The following SLC6A5 variants were observed in gnomAD, a reference collection of about 807,000 sequenced individuals.
The protein encoded by SLC6A5 is sodium- and chloride-dependent glycine transporter 2.
SLC6A5 carries 58 observed loss-of-function variants against 90.5 expected under a neutral mutation model. The ratio of observed to expected loss-of-function variants is 0.64; its 90% CI spans 0.52 to 0.80. The LOEUF (loss-of-function observed/expected upper bound fraction) is 0.80. Among genes scored for constraint, SLC6A5 ranks in the 30% least tolerant of loss-of-function variants. SLC6A5 has a pLI of 0.00. For synonymous variants in SLC6A5, 427 were observed against 401.4 expected (o/e 1.06, Z -0.76); for missense variants, 1,015 against 1,017.6 (o/e 1.00, Z 0.03).
rs146042684 is a variant in SLC6A5 at position 20,627,997 on chromosome 11, C to T, written c.1413C>T (p.Ala471=). Residue 471 remains alanine, a synonymous_variant, in exon 9 of 16, where the codon GCC becomes GCT. Coordinates refer to ENST00000525748, the MANE Select transcript of SLC6A5 (RefSeq NM_004211.5). ...LTDATVWKDA[A]TQIFFSLSAA... is the part of the protein sequence containing the mutation. ...CCTCTCAGGTGTGGAAAGATGCTGC[C>T]ACTCAGATTTTCTTCTCTTTATCTG... is the stretch of plus-strand genomic sequence containing the variant. 8.1e-4 allele frequency: 1,305 copies of T among 1,614,036 alleles called. 3 individuals carry two copies. Among genetic ancestry groups the T allele is most frequent in the Middle Eastern group, 6.6e-4 (4 of 6,062 alleles).
At chr11:20,645,294 G>A (rs1054228129) in intron 13 of SLC6A5, among the ~76,000 whole-genome samples, 10 of 152,142 alleles carry the variant, frequency 6.6e-5, no homozygotes, top group Admixed American at 1.3e-4. Flanking sequence ...AGTGGGGACT[G>A]AGGTGGGGGT....
At position 20,601,529 on chromosome 11, in the gene SLC6A5, G is replaced by C. The variant is rs540902395; in HGVS notation, c.404G>C (p.Ser135Thr). 1.9e-6 allele frequency: 3 copies of C among 1,614,172 alleles called. No individual in the cohort carries two copies. The highest frequency in any genetic ancestry group is 2.7e-5 in the African/African-American group (2 of 75,064). ...GGCCCGGAGGGGGATGCGAACGTGA[G>C]TGTGGGCAAGGGCACCCTGGAGCGG... ...LRGPEGDANV[S>T]VGKGTLERNN... Residue 135 changes from serine to threonine, a missense_variant, in exon 2 of 16, where the codon AGT becomes ACT. By Grantham distance (58) the Ser-to-Thr change is moderately conservative. Transcript: ENST00000525748.
chr11:20,642,862 A>G (rs1853340202), intron 13 of SLC6A5, among the ~76,000 whole-genome samples: 1 of 152,226 alleles, frequency 6.6e-6, no homozygotes, highest in Non-Finnish European at 1.5e-5. Context: ...GTTGCGTGAC[A>G]GGGGAAATGT....
chr11:20,625,889 C>G (rs1022604972), intron 7 of SLC6A5, among the ~76,000 whole-genome samples: 1 of 152,172 alleles, frequency 6.6e-6, no homozygotes, highest in East Asian at 1.9e-4. Context: ...CCATAGTGCC[C>G]TCTGTGTAAT....
chr11:20,629,519 C>G (rs961452156), intron 9 of SLC6A5, among the ~76,000 whole-genome samples: 1 of 152,070 alleles, frequency 6.6e-6, no homozygotes, highest in South Asian at 2.1e-4. Context: ...TTAAATGACA[C>G]ATAGTAATTA....
At position 20,654,755 on chromosome 11, in the gene SLC6A5, T is replaced by C. The variant is rs375399805; in HGVS notation, c.2281T>C (p.Phe761Leu). ...CTCGCCACAGCCGGACTGGGGCCCA[T>C]TCTTAGCTCAACACCGCGGGGAGCG... ...VCSPQPDWGP[F>L]LAQHRGERYK... is the part of the protein sequence containing the mutation. Residue 761 changes from phenylalanine (F) to leucine (L), a missense_variant, in exon 16 of 16, where the codon TTC becomes CTC. Coordinates refer to ENST00000525748, the MANE Select transcript of SLC6A5 (RefSeq NM_004211.5). 5.6e-6 allele frequency: 9 copies of C among 1,614,158 alleles called. No individual in the cohort carries two copies. The highest frequency in any genetic ancestry group is 7.6e-6 in the Non-Finnish European group (9 of 1,180,022).
In SLC6A5 at chr11:20,630,721, T is replaced by G. The variant is rs281864926; in HGVS notation, c.1530T>G (p.Ser510Arg). ...CTCTAATTGTCACCTGCACCAACAG[T>G]GCCACAAGCATCTTTGCCGGCTTCG... Reference protein sequence around the residue: ...RDTLIVTCTNSATSIFAGFVI... With the variant: ...RDTLIVTCTNRATSIFAGFVI... Residue 510 changes from serine to arginine, a missense_variant, in exon 10 of 16, where the codon AGT becomes AGG. Ser to Arg is a moderately radical substitution (Grantham distance 110). Coordinates refer to ENST00000525748, the MANE Select transcript of SLC6A5 (RefSeq NM_004211.5). 8 of 1,614,226 alleles carry G rather than the reference T, an allele frequency of 5.0e-6. No individual in the cohort carries two copies. Among genetic ancestry groups the G allele is most frequent in the Non-Finnish European group, 4.2e-6 (5 of 1,180,030 alleles).
intron 3 of SLC6A5, among the ~76,000 whole-genome samples, chr11:20,606,621 T>C (rs1200445601): frequency 1.3e-5 from 2 of 152,076 alleles, no homozygotes; most frequent in African/African-American, 4.8e-5. Context: ...GAGGCTCTGA[T>C]AAGATTTCAC....
intron 13 of SLC6A5, among the ~76,000 whole-genome samples, chr11:20,642,254 G>A (rs1000798954): frequency 1.4e-4 from 21 of 149,434 alleles, no homozygotes; most frequent in Non-Finnish European, 2.2e-4. Flanking sequence ...AGGGAGAGCA[G>A]CCCCCATGAA....
At chr11:20,621,813 G>T (rs1188401751) in intron 7 of SLC6A5, among the ~76,000 whole-genome samples, 1 of 152,238 alleles carries the variant, frequency 6.6e-6, no homozygotes, top group Admixed American at 6.5e-5. Context: ...CTGGCAGGTT[G>T]CTTCCTCTGA....
intron 2 of SLC6A5, among the ~76,000 whole-genome samples, chr11:20,603,589 C>T (rs1374728605): frequency 6.6e-6 from 1 of 152,194 alleles, no homozygotes; most frequent in African/African-American, 2.4e-5. Flanking sequence ...CTTCCCATAT[C>T]AACCTTTTTT....
At chr11:20,605,836 C>T (rs1852568567) in intron 3 of SLC6A5, among the ~76,000 whole-genome samples, 1 of 152,226 alleles carries the variant, frequency 6.6e-6, no homozygotes, top group Admixed American at 6.5e-5. Flanking sequence ...TTTTCAGGAG[C>T]AGAGGAGGAC....
rs1853608247 is a variant in SLC6A5 at position 20,654,730 on chromosome 11, C to T, written c.2256C>T (p.Cys752=). The T allele has an allele frequency of 5.6e-6, 9 of 1,614,178 alleles. No individual in the cohort carries two copies. Among genetic ancestry groups the T allele is most frequent in the Non-Finnish European group, 7.6e-6 (9 of 1,180,040 alleles). ...CTTTGCAGAGGCTGAAGTTGGTGTG[C>T]TCGCCACAGCCGGACTGGGGCCCAT... The part of the protein sequence containing the change: ...GRFIERLKLV[C]SPQPDWGPFL... The change falls in exon 16 of 16, where the codon TGC becomes TGT. Residue 752 remains cysteine, a synonymous_variant. Coordinates refer to ENST00000525748, the MANE Select transcript of SLC6A5 (RefSeq NM_004211.5).
chr11:20,638,160 T>C (rs1425168209), intron 12 of SLC6A5, among the ~76,000 whole-genome samples: 1 of 152,244 alleles, frequency 6.6e-6, no homozygotes, highest in Non-Finnish European at 1.5e-5. Flanking sequence ...TGCTTTCACA[T>C]ATACTTCTTC....
At chr11:20,619,709 G>C (rs766331727) in intron 7 of SLC6A5, among the ~76,000 whole-genome samples, 1 of 152,082 alleles carries the variant, frequency 6.6e-6, no homozygotes, top group Non-Finnish European at 1.5e-5. Context: ...CTAAGGTGAG[G>C]GTAATTGGAC....
At chr11:20,615,274 G>A (rs898097792) in intron 6 of SLC6A5, among the ~76,000 whole-genome samples, 2 of 152,088 alleles carry the variant, frequency 1.3e-5, no homozygotes, top group South Asian at 4.1e-4. Flanking sequence ...AGTATTGCTA[G>A]GCATTGGAGA....
At chr11:20,652,884 C>G (rs531682250) in intron 15 of SLC6A5, among the ~76,000 whole-genome samples, 36 of 152,312 alleles carry the variant, frequency 2.4e-4, no homozygotes, top group African/African-American at 7.9e-4. Context: ...AAAATCACTA[C>G]CCCCTCCTGT....
chr11:20,626,763 G>A lies in SLC6A5; in HGVS notation c.1316G>A (p.Arg439Gln), dbSNP rs1321205817. ...PYVVLVILLI[R>Q]GVTLPGAGAG... ...GTCGTACTCGTGATCCTCCTCATCC[G>A]AGGAGTCACCCTGCCTGGAGCTGGA... The change falls in exon 8 of 16, where the codon CGA (arginine) becomes CAA (glutamine). Residue 439 changes from arginine (R) to glutamine (Q), a missense_variant. By Grantham distance (43) the Arg-to-Gln change is conservative. Coordinates refer to ENST00000525748, the MANE Select transcript of SLC6A5 (RefSeq NM_004211.5). The A allele has an allele frequency of 1.2e-5, 20 of 1,614,052 alleles. No homozygotes were observed. In the East Asian group the frequency reaches 1.6e-4, roughly 13 times the overall value.
chr11:20,642,074 G>A (rs1242805956), intron 13 of SLC6A5, among the ~76,000 whole-genome samples: 1 of 151,976 alleles, frequency 6.6e-6, no homozygotes, highest in African/African-American at 2.4e-5. Context: ...GTATACACAA[G>A]ACTGGAGACG....
Sources: gnomAD v4.1 joint callset for allele counts (sites outside exome capture counted in the v4.1 genomes callset) on GRCh38, gnomAD v4.1.1 for gene constraint, MANE v1.5 for transcripts, NCBI Gene and HGNC (gene_info 2026-07-23, HGNC 2026-07-21) for gene names.